The following SCLT1 variants were observed in gnomAD, a reference collection of about 807,000 sequenced individuals.
SCLT1 encodes the protein sodium channel-associated protein 1.
In SCLT1, 78 loss-of-function variants were observed where a neutral mutation model predicts 112.8. The ratio of observed to expected loss-of-function variants is 0.69; its 90% CI spans 0.58 to 0.83. The LOEUF (loss-of-function observed/expected upper bound fraction) is 0.83. SCLT1 is among the 40% of genes least tolerant of loss of function. The pLI is 0.00. For missense variants in SCLT1, 747 were observed against 770.4 expected, an observed-to-expected ratio of 0.97 and a Z score of 0.36; for synonymous variants, 257 against 254.7, an observed-to-expected ratio of 1.01 and a Z score of -0.09.
At chr4:129,025,370 C>G (rs1460989989) in intron 5 of SCLT1, among the ~76,000 whole-genome samples, 1 of 152,154 alleles carries the variant, frequency 6.6e-6, no homozygotes, top group Non-Finnish European at 1.5e-5. Flanking sequence ...ACGCTACAAG[C>G]CAGAAGAGAG....
intron 18 of SCLT1, among the ~76,000 whole-genome samples, chr4:128,933,844 TAA>T (rs1560857985): frequency 6.6e-6 from 1 of 152,062 alleles, no homozygotes; most frequent in Admixed American, 6.5e-5. Flanking sequence ...CCTATAATTA[TAA>T]GTTTCAGAAC....
At chr4:128,897,375 T>A (rs1733857923) in intron 18 of SCLT1, among the ~76,000 whole-genome samples, 1 of 152,002 alleles carries the variant, frequency 6.6e-6, no homozygotes, top group African/African-American at 2.4e-5. Flanking sequence ...TATTCAATAT[T>A]CTTAAAGAAA....
intron 5 of SCLT1, among the ~76,000 whole-genome samples, chr4:129,007,700 A>G (rs1744151537): frequency 6.6e-6 from 1 of 152,178 alleles, no homozygotes; most frequent in Admixed American, 6.5e-5. Context: ...TCTTAAAATT[A>G]TAGCATGTAG....
intron 5 of SCLT1, among the ~76,000 whole-genome samples, chr4:129,007,885 G>A (rs983153560): frequency 6.6e-6 from 1 of 152,042 alleles, no homozygotes; most frequent in African/African-American, 2.4e-5. Context: ...TGCTCCATGA[G>A]CTTGGAAGTG....
chr4:128,905,841 T>C (rs1734650296), intron 18 of SCLT1, among the ~76,000 whole-genome samples: 1 of 152,102 alleles, frequency 6.6e-6, no homozygotes, highest in Non-Finnish European at 1.5e-5. Context: ...CTAGCTCTTC[T>C]AACTCCTACC....
intron 1 of SCLT1, among the ~76,000 whole-genome samples, chr4:129,090,940 C>CAAACATGAGTTGAGAAGTACCA (rs574596654): frequency 1.3e-5 from 2 of 152,168 alleles, no homozygotes; most frequent in African/African-American, 4.8e-5. Context: ...TGAGAAGTAC[C>CAAACATGAGTTGAGAAGTACCA]AAACATGAGT....
intron 12 of SCLT1, 26 bp downstream of exon 12, chr4:128,959,574 C>T: frequency 6.4e-7 from 1 of 1,563,042 alleles, no homozygotes; most frequent in Non-Finnish European, 8.8e-7. Flanking sequence ...TTTATTATAT[C>T]TAAACATATT....
At chr4:128,891,643 C>CTTTT (rs5861870) in intron 18 of SCLT1, among the ~76,000 whole-genome samples, 8 of 119,524 alleles carry the variant, frequency 6.7e-5, no homozygotes, top group East Asian at 2.4e-4. Context: ...CTATAATATG[C>CTTTT]TTTTTTTTTT....
chr4:129,052,155 T>A (rs1748860187), intron 2 of SCLT1, among the ~76,000 whole-genome samples: 1 of 152,224 alleles, frequency 6.6e-6, no homozygotes, highest in Non-Finnish European at 1.5e-5. Flanking sequence ...TTCACATTGA[T>A]GTTCATCAGG....
chr4:128,939,253 T>C (rs1406771980), intron 17 of SCLT1, among the ~76,000 whole-genome samples: 3 of 152,214 alleles, frequency 2.0e-5, no homozygotes. Flanking sequence ...GCTGTTTCTT[T>C]TGCCTGAAAT....
intron 2 of SCLT1, among the ~76,000 whole-genome samples, chr4:129,063,394 T>C (rs758778467): frequency 1.3e-5 from 2 of 152,252 alleles, no homozygotes; most frequent in Non-Finnish European, 2.9e-5. Context: ...CCTAAGACTA[T>C]ATGCTTTCTT....
rs569347207 is a variant in SCLT1 at position 128,952,620 on chromosome 4, T to C, written c.1218+149A>G. ...ATAAGCCACAAGGCTGCTGCAAACA[T>C]GTCTATCTGGATTTTCACTTTTTTC... On this transcript the variant is annotated intron_variant, in intron 14 of 20. Coordinates refer to ENST00000281142, the MANE Select transcript of SCLT1 (RefSeq NM_144643.4). 6.3e-6 allele frequency: 4 copies of C among 638,788 alleles called. No homozygotes were observed. The East Asian group carries it at 8.0e-5, about 13-fold the overall frequency. 39.6% of individuals were successfully genotyped at this position (638,788 alleles called of 1,614,324 possible).
intron 20 of SCLT1, 67 bp downstream of exon 20, chr4:128,888,612 C>A: frequency 2.4e-6 from 2 of 825,974 alleles, no homozygotes; most frequent in Non-Finnish European, 3.9e-6. Context: ...TATTAAGTTC[C>A]CTGGGAACTT....
chr4:129,043,503 T>A, intron 3 of SCLT1, 36 bp from the exon 4 acceptor site: 1 of 923,976 alleles, frequency 1.1e-6, no homozygotes. Context: ...CATATTCTGT[T>A]CCATCTAGTT....
chr4:128,883,532 T>C (rs1732696138), downstream of SCLT1, among the ~76,000 whole-genome samples: 1 of 152,112 alleles, frequency 6.6e-6, no homozygotes, highest in South Asian at 2.1e-4. Flanking sequence ...TTCTGCACAT[T>C]TACCCTAGAA....
At chr4:129,011,189 T>A (rs945626937) in intron 5 of SCLT1, among the ~76,000 whole-genome samples, 3 of 152,212 alleles carry the variant, frequency 2.0e-5, no homozygotes, top group African/African-American at 7.2e-5. Flanking sequence ...GTAGTTTTTG[T>A]CTTTAGTTCT....
chr4:128,906,581 AT>A (rs1302539488), intron 18 of SCLT1, among the ~76,000 whole-genome samples: 2 of 152,216 alleles, frequency 1.3e-5, no homozygotes, highest in Non-Finnish European at 2.9e-5. Flanking sequence ...CTAAAGCTTT[AT>A]TTATAAAGAT....
intron 18 of SCLT1, among the ~76,000 whole-genome samples, chr4:128,907,397 C>A (rs867499605): frequency 1.2e-4 from 18 of 152,186 alleles, no homozygotes; most frequent in Middle Eastern, 6.8e-3. Flanking sequence ...AAGAAATGGA[C>A]AGATTGAAGA....
chr4:128,999,075 G>A (rs1308747546), intron 7 of SCLT1, among the ~76,000 whole-genome samples: 3 of 152,064 alleles, frequency 2.0e-5, no homozygotes, highest in Middle Eastern at 6.8e-3. Context: ...GTCAATAGAC[G>A]TGTAAAGCAA....
Sources: allele counts gnomAD v4.1 joint callset (sites outside exome capture counted in the v4.1 genomes callset), GRCh38; gene constraint gnomAD v4.1.1; transcripts MANE v1.5; gene names NCBI Gene and HGNC (gene_info 2026-07-23, HGNC 2026-07-21).